VPS13D: variants seen among roughly 807,000 people sequenced by gnomAD.
VPS13D encodes intermembrane lipid transfer protein VPS13D.
In VPS13D, 187 loss-of-function variants were observed where a neutral mutation model predicts 461.9. The observed-to-expected ratio is 0.40, with a 90% CI of 0.36 to 0.46. The LOEUF is 0.46. Ranked by LOEUF, VPS13D falls within the 20% of genes least tolerant of loss-of-function variation. The pLI, the probability that VPS13D is intolerant of heterozygous loss-of-function variation, is 0.60. For missense variants in VPS13D, 4,711 were observed against 5,364.9 expected (o/e 0.88, Z 3.81); for synonymous variants, 1,951 against 1,986.3 (o/e 0.98, Z 0.47).
At chr1:12,478,283 G>A (rs1645661742) in intron 67 of VPS13D, among the ~76,000 whole-genome samples, 2 of 152,276 alleles carry the variant, frequency 1.3e-5, no homozygotes, top group Non-Finnish European at 2.9e-5. Flanking sequence ...GGCCGGCCCA[G>A]GCCGAGGAAT....
In VPS13D at chr1:12,363,951, C is replaced by CA. The variant is rs70987247; in HGVS notation, c.10448+733dup. On this transcript the variant is annotated intron_variant, in intron 52 of 69. Transcript: ENST00000620676. The stretch of plus-strand genomic sequence containing the variant: ...CAGGCGACAGAGTAAGACTCTATCT[C>CA]AAAAAAAAAAAAAAAAAAAAAAAAA... Among the ~76,000 whole-genome samples the CA allele has an allele frequency of 7.1e-3, 318 of 44,612 alleles. 34 individuals are homozygous for CA. The highest frequency in any genetic ancestry group is 9.9e-3 in the Non-Finnish European group (268 of 27,194). 29.3% of individuals were successfully genotyped at this position (44,612 alleles called of 152,430 possible). A position where few individuals can be genotyped will look rare whatever the true frequency, so the allele number is the denominator to read the frequency against.
rs762566686 is a variant in VPS13D at position 12,311,553 on chromosome 1, A to G, written c.6750A>G (p.Leu2250=). The G allele has an allele frequency of 6.2e-7, 1 of 1,614,192 alleles. No homozygotes were observed. Among genetic ancestry groups the G allele is most frequent in the Non-Finnish European group, 8.5e-7 (1 of 1,180,030 alleles). The stretch of plus-strand genomic sequence containing the variant: ...ATAAATACAAGCTGATCCGCGGCTT[A>G]TTAGAGAACAACCTGGGAGAACCCA... ...DLYKYKLIRG[L]LENNLGEPIE... Residue 2250 remains leucine (L), a synonymous_variant, in exon 28 of 70, where the codon TTA becomes TTG. Transcript: ENST00000620676.
In VPS13D at chr1:12,322,761, A is replaced by G. The variant is rs963035401; in HGVS notation, c.7915+15A>G. ...TCCTGTCTTGGGTAGGTGTTTAACT[A>G]TAAAACCCACTCAGTCTTGCTAATA... On this transcript the variant is annotated intron_variant, in intron 34 of 69. Transcript: ENST00000620676. The G allele has an allele frequency of 1.4e-5, 22 of 1,610,922 alleles. No homozygotes were observed. Among genetic ancestry groups the G allele is most frequent in the Non-Finnish European group, 1.8e-5 (21 of 1,177,542 alleles).
chr1:12,249,426 A>C (rs1157411122), intron 6 of VPS13D, 87 bp downstream of exon 6: 1 of 1,012,060 alleles, frequency 9.9e-7, no homozygotes, highest in African/African-American at 1.6e-5. Flanking sequence ...GTGTTATGTA[A>C]ATGAATCACA....
In VPS13D at chr1:12,265,089, A is replaced by G. The variant is rs56091812; in HGVS notation, c.1595-1792A>G. 7.9e-3 allele frequency among the ~76,000 whole-genome samples: 1,202 copies of G among 152,268 alleles called. 17 individuals are homozygous for G. Among genetic ancestry groups the G allele is most frequent in the African/African-American group, 0.028 (1,146 of 41,542 alleles). ...ATCTGTTTACAGCATGGTTTACAGA[A>G]GATTTTAAGGCCACTATTGAGACCT... On this transcript the variant is annotated intron_variant, in intron 13 of 69. Coordinates refer to ENST00000620676, the MANE Select transcript of VPS13D (RefSeq NM_015378.4).
rs763507845 is a variant in VPS13D at position 12,277,406 on chromosome 1, C to T, written c.3818C>T (p.Thr1273Met). The T allele has an allele frequency of 5.0e-6, 8 of 1,614,158 alleles. No individual in the cohort carries two copies. Among genetic ancestry groups the T allele is most frequent in the East Asian group, 2.2e-5 (1 of 44,880 alleles). ...DAALTEALSF[T>M]FVERSKQECF... The stretch of plus-strand genomic sequence containing the variant: ...GCCCTCACTGAAGCTTTGAGTTTCA[C>T]GTTTGTTGAGAGATCTAAACAGGAG... The change falls in exon 19 of 70, where the codon ACG becomes ATG. Residue 1273 changes from threonine (T) to methionine (M), a missense_variant. Coordinates refer to ENST00000620676, the MANE Select transcript of VPS13D (RefSeq NM_015378.4).
intron 60 of VPS13D, among the ~76,000 whole-genome samples, 168 bp from the exon 61 acceptor site, chr1:12,400,013 T>G (rs1440587815): frequency 6.6e-6 from 1 of 152,172 alleles, no homozygotes; most frequent in African/African-American, 2.4e-5. Flanking sequence ...TTATGACTGC[T>G]TACTTTATTA....
intron 65 of VPS13D, among the ~76,000 whole-genome samples, chr1:12,438,895 C>G (rs1413174792): frequency 6.6e-6 from 1 of 152,222 alleles, no homozygotes; most frequent in Non-Finnish European, 1.5e-5. Context: ...TGCTCAAATA[C>G]TTTGGAGTCA....
intron 54 of VPS13D, among the ~76,000 whole-genome samples, chr1:12,373,451 G>A (rs1367231025): frequency 2.6e-5 from 4 of 151,542 alleles, no homozygotes; most frequent in Non-Finnish European, 5.9e-5. Flanking sequence ...TGGTGGGGGG[G>A]CCTCTAAAGA....
At chr1:12,478,935 C>A (rs1645674053) in intron 67 of VPS13D, 1 of 454,268 alleles carries the variant, frequency 2.2e-6, no homozygotes. Flanking sequence ...GTTTTCCTTC[C>A]CCATCACCTC....
At chr1:12,352,627 A>G (rs1170724063) in intron 46 of VPS13D, among the ~76,000 whole-genome samples, 1 of 152,182 alleles carries the variant, frequency 6.6e-6, no homozygotes, top group African/African-American at 2.4e-5. Flanking sequence ...AGGAGTGTAA[A>G]ATGGTATAAC....
chr1:12,403,455 G>A (rs1328856649), intron 62 of VPS13D, among the ~76,000 whole-genome samples: 2 of 152,180 alleles, frequency 1.3e-5, no homozygotes, highest in Admixed American at 6.5e-5. Flanking sequence ...GACCTTATTT[G>A]GATATGATCC....
chr1:12,232,637 C>CTTTTTTTTTTT (rs772757546), intron 1 of VPS13D, among the ~76,000 whole-genome samples: 26 of 71,012 alleles, frequency 3.7e-4, no homozygotes, highest in Admixed American at 5.7e-4. Context: ...TAAAATTAGT[C>CTTTTTTTTTTT]TTTTTTTTTT....
intron 49 of VPS13D, among the ~76,000 whole-genome samples, chr1:12,357,098 C>T (rs1272721326): frequency 6.6e-6 from 1 of 152,212 alleles, no homozygotes; most frequent in Non-Finnish European, 1.5e-5. Flanking sequence ...CATTAATTCA[C>T]TTTTGTTCTT....
In VPS13D at chr1:12,282,823, C is replaced by G; in HGVS notation, c.4721C>G (p.Pro1574Arg). The G allele has an allele frequency of 6.2e-7, 1 of 1,614,158 alleles. No homozygotes were observed. Among genetic ancestry groups the G allele is most frequent in the Non-Finnish European group, 8.5e-7 (1 of 1,180,010 alleles). The change falls in exon 21 of 70, where the codon CCT (proline) becomes CGT (arginine). Residue 1574 changes from proline (P) to arginine (R), a missense_variant. Physicochemically the swap from Pro to Arg is moderately radical, Grantham distance 103. Around this residue, in one of 3 missense-constraint regions of VPS13D, gnomAD observed 4,411 missense variants for 4,937.8 expected, o/e 0.89. Coordinates refer to ENST00000620676, the MANE Select transcript of VPS13D (RefSeq NM_015378.4). ...SATSSPCPDSPLPPLSTCGES... is the reference protein window; with the variant it reads ...SATSSPCPDSRLPPLSTCGES... ...ACCTCCTCCCCTTGCCCTGATTCTC[C>G]TCTGCCTCCCCTCAGTACCTGTGGA... is the stretch of plus-strand genomic sequence containing the variant.
chr1:12,313,999 C>T (rs1642825676), intron 29 of VPS13D, 116 bp from the exon 30 acceptor site: 2 of 817,300 alleles, frequency 2.4e-6, no homozygotes, highest in African/African-American at 1.7e-5. Context: ...GAAAGTTATT[C>T]TCCTTATGGG....
intron 20 of VPS13D, among the ~76,000 whole-genome samples, chr1:12,282,142 C>A (rs1353171506): frequency 2.0e-5 from 3 of 152,166 alleles, no homozygotes. Context: ...CCTGCCTCGG[C>A]CTCTCAAAGG....
chr1:12,258,010 G>T lies in VPS13D; in HGVS notation c.1017G>T (p.Trp339Cys). The change falls in exon 10 of 70, where the codon TGG becomes TGT. Residue 339 changes from tryptophan to cysteine, a missense_variant. Physicochemically the swap from Trp to Cys is radical, Grantham distance 215. Transcript: ENST00000620676. ...GAGAGCAGAGGAAACGTTGCACCTG[G>T]GACTTTATGTTGCACCGCGCTCGTG... Reference protein sequence around the residue: ...EIREQRKRCTWDFMLHRARDA... With the variant: ...EIREQRKRCTCDFMLHRARDA... The T allele has an allele frequency of 6.2e-7, 1 of 1,614,106 alleles. No homozygotes were observed. Among genetic ancestry groups the T allele is most frequent in the South Asian group, 1.1e-5 (1 of 91,078 alleles).
intron 62 of VPS13D, among the ~76,000 whole-genome samples, chr1:12,402,359 C>T (rs1468504484): frequency 1.3e-5 from 2 of 152,180 alleles, no homozygotes; most frequent in African/African-American, 4.8e-5. Context: ...ATGGGCTTTT[C>T]ATGGCTGTGT....
Sources: allele counts gnomAD v4.1 joint callset (sites outside exome capture counted in the v4.1 genomes callset), GRCh38; gene constraint gnomAD v4.1.1; regional missense constraint gnomAD v4.1.1; transcripts MANE v1.5; gene names NCBI Gene and HGNC (gene_info 2026-07-23, HGNC 2026-07-21).